The following CDH18 variants were observed in gnomAD, a reference collection of about 807,000 sequenced individuals.
CDH18 encodes the protein cadherin 18.
Under a neutral mutation model 67.9 loss-of-function variants are expected in CDH18, and 31 were observed. The observed-to-expected ratio is 0.46, with a 90% CI of 0.34 to 0.62. The LOEUF is 0.62. CDH18 is among the 20% of genes least tolerant of loss of function. CDH18 has a pLI of 0.01. For missense variants in CDH18, 890 were observed against 975.5 expected (o/e 0.91, Z 1.17); for synonymous variants, 362 against 347.2 (o/e 1.04, Z -0.48).
At chr5:20,420,075 A>G (rs1287152249) in intron 1 of CDH18, among the ~76,000 whole-genome samples, 1 of 151,168 alleles carries the variant, frequency 6.6e-6, no homozygotes, top group African/African-American at 2.5e-5. Context: ...TCACCACCAC[A>G]GCAGATTATG....
chr5:19,817,028 T>G (rs1028240028), intron 3 of CDH18, among the ~76,000 whole-genome samples: 1 of 151,782 alleles, frequency 6.6e-6, no homozygotes, highest in Non-Finnish European at 1.5e-5. Context: ...GGCTGATAAG[T>G]TAAACAGACT....
chr5:20,508,155 C>T (rs1371599742), intron 1 of CDH18, among the ~76,000 whole-genome samples: 1 of 151,410 alleles, frequency 6.6e-6, no homozygotes, highest in Non-Finnish European at 1.5e-5. Flanking sequence ...TTTATGTAGT[C>T]CACTTAACAT....
intron 2 of CDH18, among the ~76,000 whole-genome samples, chr5:19,872,871 C>A (rs1786482220): frequency 1.3e-5 from 2 of 152,258 alleles, no homozygotes; most frequent in Middle Eastern, 3.4e-3. Flanking sequence ...ATGAGAATCC[C>A]AATGTTTGTA....
At chr5:19,988,976 C>A (rs1399485886), upstream of CDH18, among the ~76,000 whole-genome samples, 1 of 152,170 alleles carries the variant, frequency 6.6e-6, no homozygotes, top group Non-Finnish European at 1.5e-5. Flanking sequence ...GAAACCTACA[C>A]ACACACAAAC....
At chr5:19,817,460 A>G (rs971042158) in intron 3 of CDH18, among the ~76,000 whole-genome samples, 1 of 152,056 alleles carries the variant, frequency 6.6e-6, no homozygotes, top group Non-Finnish European at 1.5e-5. Context: ...AAAAGTAACA[A>G]GAGACAATAA....
chr5:20,507,798 C>G lies in CDH18; in HGVS notation c.-580+67664G>C, dbSNP rs151273731. Among the ~76,000 whole-genome samples, 249 of 152,196 alleles carry G rather than the reference C, an allele frequency of 1.6e-3. 1 individual carries two copies. The South Asian group carries it at 0.019, about 12-fold the overall frequency. On this transcript the variant is annotated intron_variant, in intron 1 of 14. Transcript: ENST00000507958. ...TCCCAAGGTTTAATGCTTACTGTGA[C>G]TCTACATAAGGGCATTTTGAGCATA... is the stretch of plus-strand genomic sequence containing the variant.
At chr5:20,105,415 A>T (rs941919211) in intron 2 of CDH18, among the ~76,000 whole-genome samples, 1 of 152,244 alleles carries the variant, frequency 6.6e-6, no homozygotes, top group Non-Finnish European at 1.5e-5. Context: ...TGTACACGTA[A>T]TATTTCCAAT....
intron 1 of CDH18, among the ~76,000 whole-genome samples, chr5:20,513,640 A>G (rs1184601292): frequency 6.6e-6 from 1 of 152,210 alleles, no homozygotes; most frequent in African/African-American, 2.4e-5. Context: ...CAAAAGTACT[A>G]TAAATGTATT....
At chr5:20,492,723 CATATT>C (rs994813093) in intron 1 of CDH18, among the ~76,000 whole-genome samples, 1 of 152,244 alleles carries the variant, frequency 6.6e-6, no homozygotes, top group Non-Finnish European at 1.5e-5. Flanking sequence ...GACACATACT[CATATT>C]AGAATACTGT....
intron 1 of CDH18, among the ~76,000 whole-genome samples, chr5:20,471,833 T>TAAAAAAAAAAAAAAAAAAAAAAAAAAAAA (rs70954659): frequency 1.9e-5 from 1 of 51,490 alleles, no homozygotes; most frequent in African/African-American, 6.5e-5. Flanking sequence ...AGATTCAGTC[T>TAAAAAAAAAAAAAAAAAAAAAAAAAAAAA]AAAAAAAAAA....
intron 6 of CDH18, among the ~76,000 whole-genome samples, chr5:19,593,723 C>CTTG (rs1561426105): frequency 8.3e-6 from 1 of 120,482 alleles, no homozygotes; most frequent in Non-Finnish European, 1.6e-5. Flanking sequence ...TCTTCTTCTT[C>CTTG]TTCTTCTTCT....
intron 1 of CDH18, among the ~76,000 whole-genome samples, chr5:20,419,596 T>TC (rs1747686222): frequency 7.2e-6 from 1 of 139,766 alleles, no homozygotes; most frequent in African/African-American, 3.0e-5. Context: ...CTGCCTCAGC[T>TC]CCCCTTCAGT....
chr5:19,947,185 T>C (rs1795351361), intron 2 of CDH18, among the ~76,000 whole-genome samples: 1 of 152,050 alleles, frequency 6.6e-6, no homozygotes, highest in African/African-American at 2.4e-5. Context: ...ATTGCAAGGA[T>C]GTTTTCTCTT....
Position 20,178,595 on chromosome 5 carries a change from T to TCTTTC in CDH18, c.-518+76848_-518+76849insGAAAG, listed in dbSNP as rs1554099463. Among the ~76,000 whole-genome samples the TCTTTC allele has an allele frequency of 1.4e-4, 21 of 150,754 alleles. 1 individual carries two copies. Among genetic ancestry groups the TCTTTC allele is most frequent in the African/African-American group, 4.9e-4 (20 of 41,060 alleles). ...GAGTTTCTTTCTTTCTTTCTTTCTT[T>TCTTTC]TTTTTTTTGTTCTAAAGTAATAAGT... On this transcript the variant is annotated intron_variant, in intron 2 of 14. Transcript: ENST00000507958.
intron 4 of CDH18, among the ~76,000 whole-genome samples, chr5:19,729,902 C>T (rs77647676): frequency 0.017 from 2,619 of 152,264 alleles, 46 homozygotes; most frequent in African/African-American, 0.047. Context: ...CATTGATTTG[C>T]TTTCCTTATC....
At chr5:19,723,739 G>T (rs542737189) in intron 4 of CDH18, among the ~76,000 whole-genome samples, 1 of 152,138 alleles carries the variant, frequency 6.6e-6, no homozygotes, top group East Asian at 1.9e-4. Context: ...TTGAGACAGA[G>T]TTTTGCTCAT....
At chr5:19,758,647 C>A (rs891526387) in intron 3 of CDH18, among the ~76,000 whole-genome samples, 1 of 152,184 alleles carries the variant, frequency 6.6e-6, no homozygotes, top group Non-Finnish European at 1.5e-5. Context: ...ACCTAAATAG[C>A]CCCACTAAGC....
At chr5:20,437,467 T>G (rs1333085959) in intron 1 of CDH18, among the ~76,000 whole-genome samples, 3 of 151,458 alleles carry the variant, frequency 2.0e-5, no homozygotes, top group Non-Finnish European at 4.4e-5. Context: ...ATTAATGTTC[T>G]TATGCATTGG....
At chr5:20,194,716 T>G (rs1738831844) in intron 2 of CDH18, among the ~76,000 whole-genome samples, 1 of 152,042 alleles carries the variant, frequency 6.6e-6, no homozygotes, top group African/African-American at 2.4e-5. Context: ...AAGGAGAAAT[T>G]TTCTGCAACA....
Sources: allele counts gnomAD v4.1 joint callset (sites outside exome capture counted in the v4.1 genomes callset), GRCh38; gene constraint gnomAD v4.1.1; transcripts MANE v1.5; gene names NCBI Gene and HGNC (gene_info 2026-07-23, HGNC 2026-07-21).